LARGE1: variants seen among roughly 807,000 people sequenced by gnomAD.
The protein encoded by LARGE1 is LARGE xylosyl- and glucuronyltransferase 1.
In LARGE1, 43 loss-of-function variants were observed where a neutral mutation model predicts 87.6. The ratio of observed to expected loss-of-function variants is 0.49; its 90% CI spans 0.38 to 0.63. The LOEUF (loss-of-function observed/expected upper bound fraction) is 0.63, where lower values mean the gene tolerates loss of function less well. LARGE1 is among the 30% of genes least tolerant of loss of function. The probability of loss-of-function intolerance (pLI) is 0.00; values close to 1 mark genes in which losing one functional copy is unlikely to be tolerated. For missense variants in LARGE1, 802 were observed against 1,000.2 expected (o/e 0.80, Z 2.67); for synonymous variants, 434 against 394.6 (o/e 1.10, Z -1.18).
At chr22:33,548,064 C>A (rs960062443) in intron 6 of LARGE1, among the ~76,000 whole-genome samples, 1 of 152,152 alleles carries the variant, frequency 6.6e-6, no homozygotes, top group Non-Finnish European at 1.5e-5. Flanking sequence ...TCTGTGTCCC[C>A]ACCCAAATCT....
At chr22:33,115,217 A>G in the LARGE1 span, among the ~76,000 whole-genome samples, 2 of 152,290 alleles carry the variant, frequency 1.3e-5, 1 homozygote, top group South Asian at 4.1e-4. Flanking sequence ...GCGCTCAAAA[A>G]TATTCCAGTT....
intron 11 of LARGE1, among the ~76,000 whole-genome samples, chr22:33,219,251 G>C (rs554992158): frequency 5.3e-5 from 8 of 152,260 alleles, no homozygotes; most frequent in South Asian, 2.1e-4. Flanking sequence ...TGATTGGTAT[G>C]AATCCATATC....
At chr22:33,706,804 T>G (rs2082577319) in intron 2 of LARGE1, among the ~76,000 whole-genome samples, 1 of 152,150 alleles carries the variant, frequency 6.6e-6, no homozygotes, top group Non-Finnish European at 1.5e-5. Context: ...AGGTACAATC[T>G]CAAATTCTTC....
chr22:33,861,282 C>A (rs2063911158), intron 1 of LARGE1, among the ~76,000 whole-genome samples: 1 of 152,088 alleles, frequency 6.6e-6, no homozygotes, highest in South Asian at 2.1e-4. Context: ...CCGAGTACAG[C>A]CACCACCTGG....
chr22:33,614,154 TCA>T (rs541422631), intron 4 of LARGE1, among the ~76,000 whole-genome samples: 2 of 152,212 alleles, frequency 1.3e-5, no homozygotes, highest in South Asian at 4.1e-4. Flanking sequence ...CCTCTGAGTC[TCA>T]GTTTCCAAAT....
At chr22:33,329,440 G>C (rs937317023) in intron 10 of LARGE1, among the ~76,000 whole-genome samples, 29 of 151,560 alleles carry the variant, frequency 1.9e-4, no homozygotes, top group African/African-American at 5.1e-4. Context: ...TTTTTTGTGG[G>C]GGGAAGGGGG....
At chr22:33,426,398 C>G (rs1422236807) in intron 7 of LARGE1, among the ~76,000 whole-genome samples, 1 of 152,070 alleles carries the variant, frequency 6.6e-6, no homozygotes, top group Admixed American at 6.6e-5. Context: ...CAGAAATCAC[C>G]CAATCACAGT....
intron 3 of LARGE1, among the ~76,000 whole-genome samples, chr22:33,647,938 T>C (rs1352937077): frequency 6.6e-6 from 1 of 152,132 alleles, no homozygotes; most frequent in African/African-American, 2.4e-5. Context: ...TTGCTATTTT[T>C]AGTAGAGACG....
chr22:33,631,523 A>C (rs2080111075), intron 3 of LARGE1, among the ~76,000 whole-genome samples: 1 of 152,178 alleles, frequency 6.6e-6, no homozygotes, highest in Non-Finnish European at 1.5e-5. Context: ...GCCTACACGG[A>C]GTCAGAATCA....
At chr22:33,789,715 T>C (rs191934823) in intron 1 of LARGE1, among the ~76,000 whole-genome samples, 13 of 152,330 alleles carry the variant, frequency 8.5e-5, no homozygotes, top group Admixed American at 7.8e-4. Flanking sequence ...AGCTTTAAGA[T>C]TTAACTGCCC....
chr22:33,190,121 A>G (rs528001054), intron 11 of LARGE1, among the ~76,000 whole-genome samples: 1 of 152,114 alleles, frequency 6.6e-6, no homozygotes, highest in Non-Finnish European at 1.5e-5. Flanking sequence ...TCAGCTCTGC[A>G]GTGATAGCAC....
chr22:33,405,818 T>C (rs1002842505), intron 7 of LARGE1, among the ~76,000 whole-genome samples: 7 of 152,204 alleles, frequency 4.6e-5, no homozygotes, highest in African/African-American at 1.7e-4. Flanking sequence ...AGTACAACAA[T>C]GGGCCCTTAC....
intron 5 of LARGE1, among the ~76,000 whole-genome samples, chr22:33,592,892 T>C (rs897054278): frequency 6.6e-6 from 1 of 152,068 alleles, no homozygotes; most frequent in African/African-American, 2.4e-5. Context: ...CAGGCTGGAG[T>C]GCAGTGGCGT....
intron 6 of LARGE1, among the ~76,000 whole-genome samples, chr22:33,433,584 A>G (rs906716777): frequency 7.5e-5 from 11 of 147,448 alleles, no homozygotes; most frequent in African/African-American, 2.8e-4. Context: ...TGAGAGAGCA[A>G]GACTCCGTCT....
chr22:33,687,877 C>T (rs989065780), intron 2 of LARGE1, among the ~76,000 whole-genome samples: 1 of 152,146 alleles, frequency 6.6e-6, no homozygotes, highest in African/African-American at 2.4e-5. Flanking sequence ...ACGGAGCCTC[C>T]ACTCACCTTC....
chr22:33,364,804 G>A (rs1174769718), intron 9 of LARGE1, among the ~76,000 whole-genome samples: 2 of 151,980 alleles, frequency 1.3e-5, no homozygotes, highest in Non-Finnish European at 2.9e-5. Context: ...TCATGCAAAC[G>A]TCCCACCGCA....
At chr22:33,164,748 C>A (rs920162817) in exon 12 of LARGE1, 6 of 151,932 alleles carry the variant, frequency 3.9e-5, no homozygotes, top group Non-Finnish European at 5.9e-5. Flanking sequence ...AAACTCCTGA[C>A]CTCAGATGAT....
chr22:33,383,335 G>A (rs200514535), intron 8 of LARGE1, among the ~76,000 whole-genome samples: 2 of 152,120 alleles, frequency 1.3e-5, no homozygotes, highest in African/African-American at 2.4e-5. Context: ...TGAGGCAGGC[G>A]GATCATCTGA....
At chr22:33,560,346 T>C (rs1159718040) in intron 6 of LARGE1, among the ~76,000 whole-genome samples, 2 of 152,198 alleles carry the variant, frequency 1.3e-5, no homozygotes, top group East Asian at 1.9e-4. Flanking sequence ...CCCAGTGGCA[T>C]GGCACATCTG....
Sources: allele counts gnomAD v4.1 joint callset (sites outside exome capture counted in the v4.1 genomes callset), GRCh38; gene constraint gnomAD v4.1.1; transcripts MANE v1.5; gene names NCBI Gene and HGNC (gene_info 2026-07-23, HGNC 2026-07-21).